Variants in ANKS1B observed in about 807,000 individuals in gnomAD.
ANKS1B encodes ankyrin repeat and sterile alpha motif domain-containing protein 1B.
ANKS1B carries 36 observed loss-of-function variants against 148.3 expected under a neutral mutation model. The ratio of observed to expected loss-of-function variants is 0.24; its 90% CI spans 0.19 to 0.32. The LOEUF (loss-of-function observed/expected upper bound fraction) is 0.32. ANKS1B is among the 10% of genes least tolerant of loss of function. ANKS1B has a pLI of 1.00. For missense variants in ANKS1B, 1,157 were observed against 1,542.6 expected, an observed-to-expected ratio of 0.75 and a Z score of 4.19; for synonymous variants, 542 against 560.8, an observed-to-expected ratio of 0.97 and a Z score of 0.47.
chr12:99,306,813 G>A (rs1034779180), intron 12 of ANKS1B, among the ~76,000 whole-genome samples: 2 of 151,856 alleles, frequency 1.3e-5, no homozygotes, highest in Non-Finnish European at 2.9e-5. Context: ...CATATCTAGT[G>A]ATCTGTTCTT....
intron 16 of ANKS1B, among the ~76,000 whole-genome samples, chr12:99,054,129 G>A (rs1025574134): frequency 5.9e-5 from 9 of 152,054 alleles, no homozygotes; most frequent in African/African-American, 1.4e-4. Context: ...CTTGGTTTTC[G>A]AAGTGACTCA....
chr12:99,436,870 C>T (rs897889999), intron 11 of ANKS1B, among the ~76,000 whole-genome samples: 2 of 151,944 alleles, frequency 1.3e-5, no homozygotes, highest in African/African-American at 2.4e-5. Context: ...AGCCTTTGAC[C>T]TTTCTCCTTA....
At chr12:99,318,398 G>C (rs2084569482) in intron 12 of ANKS1B, among the ~76,000 whole-genome samples, 1 of 152,150 alleles carries the variant, frequency 6.6e-6, no homozygotes. Flanking sequence ...TCTTGGGAGG[G>C]TGTATGTGTT....
chr12:99,648,403 A>T lies in ANKS1B; in HGVS notation c.1272+6664T>A, dbSNP rs1289694518. The T allele has an allele frequency of 3.1e-6, 5 of 1,614,070 alleles. No homozygotes were observed. The highest frequency in any genetic ancestry group is 3.3e-5 in the Admixed American group (2 of 60,010). ...GGTAACAATGGGCATCGTTCGCACCAGCCCCTGCCTCACACTACCTGATGT... is the reference window on the plus strand; with the variant it reads ...GGTAACAATGGGCATCGTTCGCACCTGCCCCTGCCTCACACTACCTGATGT... On this transcript the variant is annotated intron_variant, in intron 9 of 26. Transcript: ENST00000683438.
intron 10 of ANKS1B, among the ~76,000 whole-genome samples, chr12:99,464,140 C>T (rs2096051538): frequency 1.3e-5 from 2 of 152,156 alleles, no homozygotes; most frequent in African/African-American, 2.4e-5. Flanking sequence ...TGATGAAAAT[C>T]CACTGTTCTG....
rs193291743 is a variant in ANKS1B at position 99,965,882 on chromosome 12, A to G, written c.134+18222T>C. Reference sequence around the variant, plus strand: ...AGCCAAAATTGCGCCACTGCACTCCAGCCTGGGCGACAAAGTGAGACTGCA... The same window carrying G: ...AGCCAAAATTGCGCCACTGCACTCCGGCCTGGGCGACAAAGTGAGACTGCA... On this transcript the variant is annotated intron_variant, in intron 1 of 26. Coordinates refer to ENST00000683438, the MANE Select transcript of ANKS1B (RefSeq NM_001352186.2). Among the ~76,000 whole-genome samples the G allele has an allele frequency of 8.5e-5, 13 of 152,322 alleles. No homozygotes were observed. In the East Asian group the frequency reaches 1.9e-3, roughly 23 times the overall value.
intron 9 of ANKS1B, chr12:99,647,897 G>C (rs1002279155): frequency 4.7e-6 from 2 of 423,434 alleles, no homozygotes; most frequent in Non-Finnish European, 8.5e-6. Context: ...TGTGTGCCCG[G>C]ACATCCACGA....
At chr12:99,955,366 G>A (rs1275081407) in intron 1 of ANKS1B, among the ~76,000 whole-genome samples, 4 of 151,500 alleles carry the variant, frequency 2.6e-5, no homozygotes, top group East Asian at 1.9e-4. Flanking sequence ...GGTGGCGCGC[G>A]CCTGTAGTCC....
intron 8 of ANKS1B, among the ~76,000 whole-genome samples, chr12:99,752,531 T>C (rs1411278859): frequency 6.6e-6 from 1 of 152,074 alleles, no homozygotes; most frequent in East Asian, 1.9e-4. Flanking sequence ...GGATTAGCTT[T>C]AAAATAAGAG....
intron 1 of ANKS1B, among the ~76,000 whole-genome samples, chr12:99,921,778 C>T (rs2094359860): frequency 6.6e-6 from 1 of 152,078 alleles, no homozygotes; most frequent in Admixed American, 6.6e-5. Context: ...CATTAGTAAA[C>T]AACACACACT....
chr12:99,581,748 G>A (rs373449294), intron 9 of ANKS1B, among the ~76,000 whole-genome samples: 5 of 151,750 alleles, frequency 3.3e-5, no homozygotes, highest in African/African-American at 4.8e-5. Context: ...AAAATTAGCC[G>A]GGCGCGGTGG....
At chr12:99,968,170 T>C (rs1338891438) in intron 1 of ANKS1B, among the ~76,000 whole-genome samples, 4 of 152,246 alleles carry the variant, frequency 2.6e-5, no homozygotes, top group African/African-American at 9.6e-5. Flanking sequence ...CTACACAGCC[T>C]AACACTAGAG....
At chr12:99,934,182 G>A (rs1487828542) in intron 1 of ANKS1B, among the ~76,000 whole-genome samples, 1 of 152,040 alleles carries the variant, frequency 6.6e-6, no homozygotes, top group Non-Finnish European at 1.5e-5. Context: ...CTAGTGTTTT[G>A]TTGAGGATTT....
chr12:98,818,163 C>CCCTT (rs1231497032), intron 19 of ANKS1B, among the ~76,000 whole-genome samples: 1 of 29,384 alleles, frequency 3.4e-5, no homozygotes, highest in African/African-American at 1.4e-4. Flanking sequence ...CTCCTTCCCT[C>CCCTT]CCTCCCTCCC....
At chr12:98,750,642 C>T (rs2098060192) in intron 26 of ANKS1B, among the ~76,000 whole-genome samples, 3 of 152,128 alleles carry the variant, frequency 2.0e-5, no homozygotes. Flanking sequence ...GGGGCAGAAA[C>T]CAGATGGGAG....
At chr12:99,846,210 C>T (rs774378614) in intron 1 of ANKS1B, among the ~76,000 whole-genome samples, 2 of 152,016 alleles carry the variant, frequency 1.3e-5, no homozygotes, top group Non-Finnish European at 2.9e-5. Flanking sequence ...AATTCACTAA[C>T]ATTTGTTATT....
intron 25 of ANKS1B, among the ~76,000 whole-genome samples, chr12:98,755,596 A>C (rs902653920): frequency 6.6e-6 from 1 of 152,240 alleles, no homozygotes; most frequent in African/African-American, 2.4e-5. Flanking sequence ...TTAAGGGAGA[A>C]CTTAATAGGT....
intron 8 of ANKS1B, among the ~76,000 whole-genome samples, chr12:99,744,051 A>G (rs2060360299): frequency 6.6e-6 from 1 of 152,208 alleles, no homozygotes; most frequent in South Asian, 2.1e-4. Flanking sequence ...AGAAGGGTCA[A>G]CTAAGGAACT....
At chr12:99,876,525 C>G (rs1178146580) in intron 1 of ANKS1B, among the ~76,000 whole-genome samples, 1 of 152,050 alleles carries the variant, frequency 6.6e-6, no homozygotes, top group Non-Finnish European at 1.5e-5. Flanking sequence ...GAGTTCAAAA[C>G]CAGCCTGGCC....
Sources: allele counts gnomAD v4.1 joint callset (sites outside exome capture counted in the v4.1 genomes callset), GRCh38; gene constraint gnomAD v4.1.1; transcripts MANE v1.5; gene names NCBI Gene and HGNC (gene_info 2026-07-23, HGNC 2026-07-21).